The following CPLX2 variants were observed in gnomAD, a reference collection of about 807,000 sequenced individuals.
CPLX2 encodes complexin-2.
CPLX2 carries 5 observed loss-of-function variants against 16.3 expected under a neutral mutation model. The ratio of observed to expected loss-of-function variants is 0.31; its 90% CI spans 0.16 to 0.64. The LOEUF (loss-of-function observed/expected upper bound fraction) is 0.64. CPLX2 is among the 30% of genes least tolerant of loss of function. The probability of loss-of-function intolerance (pLI) is 0.79; values close to 1 mark genes in which losing one functional copy is unlikely to be tolerated. For missense variants in CPLX2, 144 were observed against 181.4 expected (o/e 0.79, Z 1.18); for synonymous variants, 89 against 73.2 (o/e 1.22, Z -1.10).
chr5:175,832,480 T>C (rs897171306), intron 2 of CPLX2, among the ~76,000 whole-genome samples: 8 of 152,184 alleles, frequency 5.3e-5, no homozygotes, highest in Admixed American at 4.6e-4. Flanking sequence ...ACCAGAAACA[T>C]GGGCGTTGGA....
intron 1 of CPLX2, chr5:175,805,533 A>G (rs1350269142): frequency 6.6e-6 from 1 of 152,234 alleles, no homozygotes; most frequent in African/African-American, 2.4e-5. Flanking sequence ...CCAGCTCCCA[A>G]GGCTTTCCGT....
rs775793619 is a variant in CPLX2 at position 175,878,748 on chromosome 5, C to T, written c.9C>T (p.Phe3=). 2 of 1,613,522 alleles carry T rather than the reference C, an allele frequency of 1.2e-6. No homozygotes were observed. The highest frequency in any genetic ancestry group is 1.7e-6 in the Non-Finnish European group (2 of 1,179,886). ...TAACCAGAGCCGGCGGCATGGACTT[C>T]GTCATGAAGCAGGCCCTTGGAGGTG... The part of the protein sequence containing the change: MD[F]VMKQALGGAT... Residue 3 remains phenylalanine, a synonymous_variant, in exon 2 of 4, where the codon TTC becomes TTT. Coordinates refer to ENST00000393745, the MANE Select transcript of CPLX2 (RefSeq NM_001008220.2).
At chr5:175,862,690 G>A (rs892522633) in intron 2 of CPLX2, among the ~76,000 whole-genome samples, 1 of 152,190 alleles carries the variant, frequency 6.6e-6, no homozygotes, top group Non-Finnish European at 1.5e-5. Context: ...GGCTCCTTTT[G>A]GATCCTTAAA....
chr5:175,835,838 A>G (rs1758822654), intron 2 of CPLX2, among the ~76,000 whole-genome samples: 1 of 146,048 alleles, frequency 6.8e-6, no homozygotes, highest in South Asian at 2.2e-4. Context: ...TCCCGGGTTC[A>G]AGTGATTCTC....
chr5:175,879,173 C>G, intron 3 of CPLX2, 90 bp downstream of exon 3: 1 of 1,323,724 alleles, frequency 7.6e-7, no homozygotes, highest in Non-Finnish European at 1.0e-6. Context: ...CCCCTGGATC[C>G]CAGCTCTCAC....
Position 175,845,012 on chromosome 5 carries a change from T to C in CPLX2, c.-88-33640T>C, listed in dbSNP as rs963132836. Among the ~76,000 whole-genome samples, 1 of 152,176 alleles carries C rather than the reference T, an allele frequency of 6.6e-6. No homozygotes were observed. Among genetic ancestry groups the C allele is most frequent in the Admixed American group, 6.5e-5 (1 of 15,284 alleles). On this transcript the variant is annotated intron_variant, in intron 2 of 4. Transcript: ENST00000359546. The surrounding 1 kb of genome is among the most constrained non-coding windows in gnomAD (Gnocchi z 4.0). ...TTTGGCTGCCCCTCTGCCCAGAACA[T>C]TCCCTAACAAGGACCAGTTCTTAGA...
At chr5:175,819,119 G>A (rs545971769) in intron 2 of CPLX2, among the ~76,000 whole-genome samples, 1 of 152,258 alleles carries the variant, frequency 6.6e-6, no homozygotes, top group South Asian at 2.1e-4. Flanking sequence ...CTCATCGTGG[G>A]ACTAGACCAA....
At chr5:175,822,264 C>T (rs1758525036) in intron 2 of CPLX2, among the ~76,000 whole-genome samples, 1 of 152,108 alleles carries the variant, frequency 6.6e-6, no homozygotes, top group Non-Finnish European at 1.5e-5. Context: ...TCCTTCCATC[C>T]TTTTCTCTCA....
rs1298043799 is a variant in CPLX2 at position 175,879,047 on chromosome 5, G to A, written c.171G>A (p.Ala57=). The change falls in exon 3 of 4, where the codon GCG becomes GCA. Residue 57 remains alanine (A), a synonymous_variant. Transcript: ENST00000393745. The part of the protein sequence containing the change: ...ERKAKHARME[A]EREKVRQQIR... ...AGGCCAAGCACGCGCGCATGGAGGCGGAGCGGGAGAAGGTCCGGCAGCAGA... is the reference window on the plus strand; with the variant it reads ...AGGCCAAGCACGCGCGCATGGAGGCAGAGCGGGAGAAGGTCCGGCAGCAGA... 6 of 1,586,402 alleles carry A rather than the reference G, an allele frequency of 3.8e-6. No homozygotes were observed. Among genetic ancestry groups the A allele is most frequent in the Middle Eastern group, 3.8e-4 (2 of 5,318 alleles).
At chr5:175,821,532 T>G (rs1185977846) in intron 2 of CPLX2, among the ~76,000 whole-genome samples, 1 of 152,100 alleles carries the variant, frequency 6.6e-6, no homozygotes, top group Non-Finnish European at 1.5e-5. Context: ...CTTAGCCTCC[T>G]GAGTAGCTGG....
intron 2 of CPLX2, among the ~76,000 whole-genome samples, chr5:175,816,975 C>T (rs1358551554): frequency 5.3e-5 from 8 of 152,262 alleles, no homozygotes; most frequent in Non-Finnish European, 8.8e-5. Context: ...CCTTCAACAT[C>T]TTACGTGGTG....
upstream of CPLX2, among the ~76,000 whole-genome samples, chr5:175,868,611 G>A (rs1042899855): frequency 2.6e-5 from 4 of 152,060 alleles, no homozygotes; most frequent in East Asian, 3.9e-4. Flanking sequence ...TTGCACTCCC[G>A]CTGGATTAGA....
chr5:175,854,061 C>T (rs1581093138), intron 2 of CPLX2, among the ~76,000 whole-genome samples: 1 of 152,200 alleles, frequency 6.6e-6, no homozygotes, highest in African/African-American at 2.4e-5. Context: ...CTAGATCACA[C>T]AGCCAGAAAG....
intron 1 of CPLX2, among the ~76,000 whole-genome samples, chr5:175,802,414 A>G (rs1758116408): frequency 6.6e-6 from 1 of 152,192 alleles, no homozygotes; most frequent in African/African-American, 2.4e-5. Flanking sequence ...TTCCTCAGAC[A>G]TTCAGTGTGG....
At chr5:175,855,558 G>A (rs1759238881) in intron 2 of CPLX2, among the ~76,000 whole-genome samples, 1 of 152,166 alleles carries the variant, frequency 6.6e-6, no homozygotes, top group African/African-American at 2.4e-5. Flanking sequence ...CAAAAAATGT[G>A]ACCGAGGTTC....
At chr5:175,843,900 G>A (rs1056576868) in intron 2 of CPLX2, among the ~76,000 whole-genome samples, 10 of 152,328 alleles carry the variant, frequency 6.6e-5, no homozygotes, top group African/African-American at 2.4e-4. Flanking sequence ...ACAGAGCTCT[G>A]GGCAGGTCCC....
At chr5:175,842,354 A>G (rs1758960086) in intron 2 of CPLX2, among the ~76,000 whole-genome samples, 1 of 152,242 alleles carries the variant, frequency 6.6e-6, no homozygotes. Context: ...TACAGCAAAG[A>G]TGCTATTATT....
At chr5:175,832,202 C>T (rs964343279) in intron 2 of CPLX2, among the ~76,000 whole-genome samples, 9 of 152,244 alleles carry the variant, frequency 5.9e-5, no homozygotes, top group Non-Finnish European at 1.2e-4. Context: ...GGTAGTTAAT[C>T]ATCAACCAGT....
chr5:175,878,609 G>A (rs1455202624), intron 1 of CPLX2, 43 bp from the exon 2 acceptor site: 2 of 1,027,434 alleles, frequency 1.9e-6, no homozygotes, highest in Non-Finnish European at 2.9e-6. Flanking sequence ...CGCCCTGCCT[G>A]TGCAGAGGCC....
Sources: allele counts gnomAD v4.1 joint callset (sites outside exome capture counted in the v4.1 genomes callset), GRCh38; gene constraint gnomAD v4.1.1; non-coding constraint Gnocchi (gnomAD v3.1); transcripts MANE v1.5; gene names NCBI Gene and HGNC (gene_info 2026-07-23, HGNC 2026-07-21).